CFHR5: variants seen among roughly 807,000 people sequenced by gnomAD.
CFHR5 encodes the protein complement factor H-related protein 5.
In CFHR5, 73 loss-of-function variants were observed where a neutral mutation model predicts 62.9. The observed-to-expected ratio is 1.16, with a 90% CI of 0.96 to 1.41. CFHR5 has a LOEUF of 1.41. CFHR5 is among the 40% of genes most tolerant of loss of function. The pLI is 0.00. For synonymous variants in CFHR5, 249 were observed against 227.2 expected (o/e 1.10, Z -0.86); for missense variants, 779 against 679.9 (o/e 1.15, Z -1.62).
rs563330932 is a variant in CFHR5, at chr1:197,007,333, A to G, written c.1514-1154A>G. Among the ~76,000 whole-genome samples the G allele has an allele frequency of 5.3e-5, 8 of 152,278 alleles. No homozygotes were observed. In the East Asian group the frequency reaches 1.5e-3, roughly 29 times the overall value. On this transcript the variant is annotated intron_variant, in intron 9 of 9. Coordinates refer to ENST00000256785, the MANE Select transcript of CFHR5 (RefSeq NM_030787.4). Reference sequence around the variant, plus strand: ...TTCTCGATTTATGGAGAATATTCTCAGGTGCTTAACACATAAGAATTTTTA... The same window carrying G: ...TTCTCGATTTATGGAGAATATTCTCGGGTGCTTAACACATAAGAATTTTTA...
chr1:196,993,645 T>C (rs373260641), intron 3 of CFHR5, among the ~76,000 whole-genome samples: 1 of 152,188 alleles, frequency 6.6e-6, no homozygotes, highest in East Asian at 1.9e-4. Context: ...CAAAAAGTAA[T>C]TAAATATGTT....
chr1:196,977,927 T>G (rs1425846412), intron 1 of CFHR5, among the ~76,000 whole-genome samples: 1 of 152,190 alleles, frequency 6.6e-6, no homozygotes, highest in Non-Finnish European at 1.5e-5. Context: ...CTCCGTTCTC[T>G]AGTTTGCTAA....
Position 196,995,800 on chromosome 1 carries a change from G to A in CFHR5, c.691G>A (p.Glu231Lys). 1 of 1,612,238 alleles carries A rather than the reference G, an allele frequency of 6.2e-7. No individual in the cohort carries two copies. ...EIRKEEYGHN[E>K]VVEYDCNPNF... ...AAGAAAAGAGGAATATGGACACAAT[G>A]AAGTAGTGGAATATGATTGCAATCC... Residue 231 changes from glutamate (E) to lysine (K), a missense_variant, in exon 5 of 10, where the codon GAA becomes AAA. Coordinates refer to ENST00000256785, the MANE Select transcript of CFHR5 (RefSeq NM_030787.4).
chr1:196,997,859 T>C (rs913120763), intron 6 of CFHR5, among the ~76,000 whole-genome samples: 1 of 152,148 alleles, frequency 6.6e-6, no homozygotes, highest in Non-Finnish European at 1.5e-5. Flanking sequence ...CTAAGAACTA[T>C]CTTTCAGTCA....
intron 3 of CFHR5, among the ~76,000 whole-genome samples, chr1:196,989,776 T>A (rs1262795538): frequency 6.6e-6 from 1 of 152,100 alleles, no homozygotes; most frequent in African/African-American, 2.4e-5. Flanking sequence ...TGCTGAGGAG[T>A]GCTTTACTTC....
intron 8 of CFHR5, among the ~76,000 whole-genome samples, chr1:197,004,067 T>C (rs1654220850): frequency 6.6e-6 from 1 of 152,166 alleles, no homozygotes; most frequent in African/African-American, 2.4e-5. Flanking sequence ...CTTGGTGATA[T>C]ATAAAGGGAG....
chr1:197,008,677 T>C lies in CFHR5; in HGVS notation c.1704T>C (p.Cys568=). ...CQEGKFEYPI[C]E ...AAGGGAAATTTGAATATCCTATATGTGAATGAAGCAAGCATAATTTTCCTG... is the reference window on the plus strand; with the variant it reads ...AAGGGAAATTTGAATATCCTATATGCGAATGAAGCAAGCATAATTTTCCTG... Residue 568 remains cysteine, a synonymous_variant, in exon 10 of 10, where the codon TGT becomes TGC. Coordinates refer to ENST00000256785, the MANE Select transcript of CFHR5 (RefSeq NM_030787.4). The C allele has an allele frequency of 6.2e-7, 1 of 1,611,562 alleles. No individual in the cohort carries two copies. Among genetic ancestry groups the C allele is most frequent in the Non-Finnish European group, 8.5e-7 (1 of 1,177,796 alleles).
Position 196,996,099 on chromosome 1 carries a change from G to C in CFHR5, c.868G>C (p.Gly290Arg), listed in dbSNP as rs893593079. 1.2e-6 allele frequency: 2 copies of C among 1,613,524 alleles called. No homozygotes were observed. Among genetic ancestry groups the C allele is most frequent in the Non-Finnish European group, 1.7e-6 (2 of 1,179,570 alleles). ...GCCGTCTGTCCCTCCCTATCAACAT[G>C]GAGTTTCAGTCGAGGTGAATTGCAG... ...VQPSVPPYQHGVSVEVNCRNE... is the reference protein window; with the variant it reads ...VQPSVPPYQHRVSVEVNCRNE... Residue 290 changes from glycine (G) to arginine (R), a missense_variant, in exon 6 of 10, where the codon GGA (glycine) becomes CGA (arginine). Coordinates refer to ENST00000256785, the MANE Select transcript of CFHR5 (RefSeq NM_030787.4).
rs11583363 is a variant in CFHR5, at chr1:196,979,317, A to C, written c.58+1595A>C. On this transcript the variant is annotated intron_variant, in intron 1 of 9. Coordinates refer to ENST00000256785, the MANE Select transcript of CFHR5 (RefSeq NM_030787.4). ...TCATACATCACTTAATGATAGGAAA[A>C]CGTTCTGAGAAGTGTGTCTATAGGC... is the stretch of plus-strand genomic sequence containing the variant. 5.4e-3 allele frequency among the ~76,000 whole-genome samples: 814 copies of C among 151,358 alleles called. 3 individuals carry two copies. The highest frequency in any genetic ancestry group is 0.014 in the Middle Eastern group (4 of 294).
At chr1:196,994,666 T>C (rs1653941795) in intron 4 of CFHR5, among the ~76,000 whole-genome samples, 1 of 152,198 alleles carries the variant, frequency 6.6e-6, no homozygotes. Flanking sequence ...CTGCTTCAGA[T>C]GGCACTATTT....
upstream of CFHR5, among the ~76,000 whole-genome samples, chr1:196,976,895 C>T (rs888087540): frequency 1.3e-5 from 2 of 149,922 alleles, no homozygotes; most frequent in East Asian, 2.0e-4. Flanking sequence ...AGCTCTGCCT[C>T]CCGGTTTTAC....
chr1:196,999,722 T>TATATATATATACACAC (rs1164729053), intron 7 of CFHR5, among the ~76,000 whole-genome samples: 6 of 116,184 alleles, frequency 5.2e-5, no homozygotes, highest in African/African-American at 2.1e-4. Context: ...TATATATATA[T>TATATATATATACACAC]ACACACACAC....
In CFHR5 at chr1:196,994,188, TAA is replaced by T. The variant is rs761664529; in HGVS notation, c.540_541del (p.Ile180MetfsTer17). Reference sequence around the variant, plus strand: ...AAATTCTCCTGCAGAAAAAATCTTATAAGAGTTGGATCAGACTCAGTTCAATG... The same window carrying T: ...AAATTCTCCTGCAGAAAAAATCTTATGAGTTGGATCAGACTCAGTTCAATG... On this transcript the variant is annotated frameshift_variant, in exon 4 of 10. Transcript: ENST00000256785. LOFTEE classifies it high-confidence loss of function. 29 of 1,613,662 alleles carry T rather than the reference TAA, an allele frequency of 1.8e-5. 1 individual carries two copies. Among genetic ancestry groups the T allele is most frequent in the Admixed American group, 1.0e-4 (6 of 60,002 alleles).
chr1:196,984,092 T>C lies in CFHR5; in HGVS notation c.385T>C (p.Cys129Arg), dbSNP rs141053543. Residue 129 changes from cysteine (C) to arginine (R), a missense_variant, in exon 3 of 10, where the codon TGT (cysteine) becomes CGT (arginine). Coordinates refer to ENST00000256785, the MANE Select transcript of CFHR5 (RefSeq NM_030787.4). ...SLQNNEKNIS[C>R]VERGWSTPPI... The stretch of plus-strand genomic sequence containing the variant: ...TCAAAACAATGAGAAAAACATTTCG[T>C]GTGTAGAACGGGGCTGGTCCACTCC... The C allele has an allele frequency of 2.5e-6, 4 of 1,613,730 alleles. No homozygotes were observed. The highest frequency in any genetic ancestry group is 1.3e-5 in the African/African-American group (1 of 74,918).
At position 197,008,907 on chromosome 1, in the gene CFHR5, G is replaced by A. The variant is rs1337050555; in HGVS notation, c.*224G>A. On this transcript the variant is annotated 3_prime_UTR_variant, in exon 10 of 10. Coordinates refer to ENST00000256785, the MANE Select transcript of CFHR5 (RefSeq NM_030787.4). ...TAGTCCATATTACATTGTTATAACA[G>A]AGTATCACAGACTGGATAACTTCTA... The A allele has an allele frequency of 2.0e-6, 1 of 490,400 alleles. No individual in the cohort carries two copies. Among genetic ancestry groups the A allele is most frequent in the Non-Finnish European group, 3.7e-6 (1 of 271,564 alleles). The allele number at this position is 490,400 out of a possible 1,614,324, so 30.4% of individuals were successfully genotyped here.
chr1:197,003,274 C>G (rs556959622), intron 8 of CFHR5, among the ~76,000 whole-genome samples: 1 of 152,130 alleles, frequency 6.6e-6, no homozygotes, highest in Admixed American at 6.5e-5. Flanking sequence ...AATGCTCATT[C>G]GCCTGCCTCT....
chr1:197,004,424 G>T (rs947457251), intron 8 of CFHR5, among the ~76,000 whole-genome samples: 5 of 152,038 alleles, frequency 3.3e-5, no homozygotes, highest in Non-Finnish European at 7.4e-5. Context: ...TAGACCAGAA[G>T]TTTACTCACC....
At chr1:196,980,468 TG>T (rs1653510804) in intron 1 of CFHR5, among the ~76,000 whole-genome samples, 1 of 152,130 alleles carries the variant, frequency 6.6e-6, no homozygotes, top group Non-Finnish European at 1.5e-5. Flanking sequence ...GATGTTGTGG[TG>T]GTCATCAGTT....
At chr1:196,994,801 C>T (rs563438344) in intron 4 of CFHR5, among the ~76,000 whole-genome samples, 2 of 152,230 alleles carry the variant, frequency 1.3e-5, no homozygotes, top group East Asian at 3.9e-4. Flanking sequence ...CACAGTTTCA[C>T]GTGGCTGGGG....
Sources: gnomAD v4.1 joint callset for allele counts (sites outside exome capture counted in the v4.1 genomes callset) on GRCh38, gnomAD v4.1.1 for gene constraint, MANE v1.5 for transcripts, NCBI Gene and HGNC (gene_info 2026-07-23, HGNC 2026-07-21) for gene names.